The following C8orf89 variants were observed in gnomAD, a reference collection of about 807,000 sequenced individuals.
C8orf89 encodes the protein putative uncharacterized protein C8orf89.
A neutral mutation model predicts 15.8 loss-of-function variants in C8orf89; 14 were observed. The ratio of observed to expected loss-of-function variants is 0.89; its 90% confidence interval spans 0.59 to 1.39. C8orf89 has a LOEUF of 1.39. Ranked by LOEUF, C8orf89 falls within the 40% of genes most tolerant of loss-of-function variation. The pLI is 0.00. For synonymous variants in C8orf89, 55 were observed against 62.2 expected (o/e 0.88, Z 0.54); for missense variants, 181 against 184.5 (o/e 0.98, Z 0.11).
At chr8:73,253,339 C>T (rs1451654015) in intron 2 of C8orf89, among the ~76,000 whole-genome samples, 1 of 152,124 alleles carries the variant, frequency 6.6e-6, no homozygotes, top group Non-Finnish European at 1.5e-5. Flanking sequence ...GTTACTGTAG[C>T]CTTGTAGTAT....
At chr8:73,280,988 T>C in the C8orf89 span, among the ~76,000 whole-genome samples, 1 of 152,028 alleles carries the variant, frequency 6.6e-6, no homozygotes, top group Non-Finnish European at 1.5e-5. Context: ...TAGAGTAAGA[T>C]GGAGTGCAAG....
Position 73,257,954 on chromosome 8 carries a change from A to G in C8orf89, c.128-828T>C, listed in dbSNP as rs541135518. ...ATAGTTTCTGTTGGTCAAAAAGCAT[A>G]TAGACTCTTTTTTCATCAATTAGAT... On this transcript the variant is annotated intron_variant, in intron 1 of 3. Coordinates refer to ENST00000624510, the MANE Select transcript of C8orf89 (RefSeq NM_001243237.3). 2.6e-5 allele frequency among the ~76,000 whole-genome samples: 4 copies of G among 152,316 alleles called. No individual in the cohort carries two copies. The East Asian group carries it at 5.8e-4, about 22-fold the overall frequency.
the C8orf89 span, among the ~76,000 whole-genome samples, chr8:73,283,446 C>T: frequency 2.6e-5 from 4 of 152,118 alleles, no homozygotes; most frequent in Admixed American, 2.0e-4. Flanking sequence ...GCTACAGAAC[C>T]ACAGGGTCAT....
the C8orf89 span, among the ~76,000 whole-genome samples, chr8:73,285,604 A>C: frequency 0.61 from 92,399 of 152,126 alleles, 28,279 homozygotes; most frequent in South Asian, 0.78. Context: ...GCCAGCCACC[A>C]GCACTCACTG....
chr8:73,251,971 T>C (rs1813260957), intron 2 of C8orf89, among the ~76,000 whole-genome samples: 1 of 152,188 alleles, frequency 6.6e-6, no homozygotes, highest in South Asian at 2.1e-4. Context: ...TGACTGTCCT[T>C]AGTAGCTTTA....
chr8:73,280,102 C>T, the C8orf89 span, among the ~76,000 whole-genome samples: 1 of 152,186 alleles, frequency 6.6e-6, no homozygotes, highest in Non-Finnish European at 1.5e-5. Flanking sequence ...TGTTATGAAG[C>T]CATAGTAACT....
chr8:73,268,161 TA>T, the C8orf89 span, among the ~76,000 whole-genome samples: 1 of 152,190 alleles, frequency 6.6e-6, no homozygotes, highest in Non-Finnish European at 1.5e-5. Context: ...GGGGTAGGGA[TA>T]ATCTATAGAT....
At chr8:73,285,576 G>C in the C8orf89 span, among the ~76,000 whole-genome samples, 2 of 152,246 alleles carry the variant, frequency 1.3e-5, no homozygotes, top group Non-Finnish European at 2.9e-5. Context: ...TCCTTGGCCA[G>C]GGCTCGTCCT....
intron 3 of C8orf89, among the ~76,000 whole-genome samples, chr8:73,243,458 A>T (rs557190030): frequency 2.0e-5 from 3 of 152,276 alleles, no homozygotes; most frequent in Non-Finnish European, 4.4e-5. Context: ...CCAGAAAATT[A>T]AAAAAACACG....
chr8:73,281,232 A>T, the C8orf89 span, among the ~76,000 whole-genome samples: 1 of 152,208 alleles, frequency 6.6e-6, no homozygotes, highest in Non-Finnish European at 1.5e-5. Flanking sequence ...CAGCCTAGGC[A>T]ACATAATGAG....
intron 2 of C8orf89, among the ~76,000 whole-genome samples, chr8:73,256,126 T>A: frequency 7.2e-6 from 1 of 138,928 alleles, no homozygotes; most frequent in Middle Eastern, 3.6e-3. Flanking sequence ...AAAAAATAAA[T>A]AACAAATAAT....
At chr8:73,253,213 T>G (rs905724138) in intron 2 of C8orf89, among the ~76,000 whole-genome samples, 5 of 152,200 alleles carry the variant, frequency 3.3e-5, no homozygotes, top group Non-Finnish European at 7.3e-5. Context: ...AAGCAGAAGC[T>G]GAGTAGAATG....
chr8:73,269,074 T>TGG, the C8orf89 span, among the ~76,000 whole-genome samples: 1 of 152,180 alleles, frequency 6.6e-6, no homozygotes, highest in African/African-American at 2.4e-5. Flanking sequence ...GACTTCATTG[T>TGG]GGGGATCAAG....
chr8:73,283,309 AATC>A, the C8orf89 span, among the ~76,000 whole-genome samples: 1 of 152,196 alleles, frequency 6.6e-6, no homozygotes, highest in Admixed American at 6.5e-5. Context: ...AATCCAATTT[AATC>A]CTTAAGTCAC....
intron 3 of C8orf89, among the ~76,000 whole-genome samples, chr8:73,248,648 T>C (rs1402332573): frequency 6.6e-6 from 1 of 152,182 alleles, no homozygotes; most frequent in Non-Finnish European, 1.5e-5. Context: ...CTTGCAGAGA[T>C]CTTTCACCTC....
At chr8:73,279,549 G>C in the C8orf89 span, among the ~76,000 whole-genome samples, 6 of 152,168 alleles carry the variant, frequency 3.9e-5, no homozygotes, top group Non-Finnish European at 7.3e-5. Context: ...TATCTTCTTA[G>C]GGTCAAAGGG....
At chr8:73,248,908 T>A (rs917629308) in intron 3 of C8orf89, among the ~76,000 whole-genome samples, 6 of 152,244 alleles carry the variant, frequency 3.9e-5, no homozygotes, top group Non-Finnish European at 7.3e-5. Flanking sequence ...TCACTTTCTC[T>A]CTTCCTATTG....
Position 73,250,255 on chromosome 8 carries a change from C to T in C8orf89, c.337+13G>A, listed in dbSNP as rs368859819. 1.1e-4 allele frequency: 164 copies of T among 1,525,170 alleles called. No homozygotes were observed. The African/African-American group carries it at 1.1e-3, about 11-fold the overall frequency. 94.5% of individuals were successfully genotyped at this position (1,525,170 alleles called of 1,614,324 possible). A position where few individuals can be genotyped will look rare whatever the true frequency, so the allele number is the denominator to read the frequency against. ...CCAAGAGAGGTAGTAGAAAAAAGGA[C>T]GAGTCAGCTTACCTTTTGATTTCTC... On this transcript the variant is annotated intron_variant, in intron 3 of 3. Coordinates refer to ENST00000624510, the MANE Select transcript of C8orf89 (RefSeq NM_001243237.3).
At chr8:73,254,947 C>T (rs1813336894) in intron 2 of C8orf89, among the ~76,000 whole-genome samples, 1 of 152,150 alleles carries the variant, frequency 6.6e-6, no homozygotes, top group African/African-American at 2.4e-5. Context: ...CCCTTCCTTA[C>T]ACCTTATGCA....
Sources: allele counts gnomAD v4.1 joint callset (sites outside exome capture counted in the v4.1 genomes callset), GRCh38; gene constraint gnomAD v4.1.1; transcripts MANE v1.5; gene names NCBI Gene and HGNC (gene_info 2026-07-23, HGNC 2026-07-21).